The following CCDC91 variants were observed in gnomAD, a reference collection of about 807,000 sequenced individuals.
CCDC91 encodes coiled-coil domain-containing protein 91.
CCDC91 carries 48 observed loss-of-function variants against 63.2 expected under a neutral mutation model. The ratio of observed to expected loss-of-function variants is 0.76; its 90% CI spans 0.60 to 0.97. The LOEUF (loss-of-function observed/expected upper bound fraction) is 0.97, where lower values mean the gene tolerates loss of function less well. Among genes scored for constraint, CCDC91 ranks in the 50% least tolerant of loss-of-function variants. The pLI, the probability that CCDC91 is intolerant of heterozygous loss-of-function variation, is 0.00. For missense variants in CCDC91, 500 were observed against 494.6 expected (o/e 1.01, Z -0.10); for synonymous variants, 167 against 165.8 (o/e 1.01, Z -0.06).
intron 2 of CCDC91, 130 bp downstream of exon 2, chr12:28,257,375 G>A (rs1323531996): frequency 1.7e-6 from 1 of 599,302 alleles, no homozygotes; most frequent in Admixed American, 2.9e-5. Flanking sequence ...TAATTCTGGA[G>A]TAAAAAGATG....
rs150173505 is a variant in CCDC91, at chr12:28,370,290, C to G, written c.654+7775C>G. Among the ~76,000 whole-genome samples, 95 of 152,330 alleles carry G rather than the reference C, an allele frequency of 6.2e-4. 1 individual carries two copies. Among genetic ancestry groups the G allele is most frequent in the Middle Eastern group, 6.8e-3 (2 of 294 alleles). ...ATGCTTTGCTGCTTAGACATTTCTTCTGCCAGATATCCTAAATCATGTCTC... is the reference window on the plus strand; with the variant it reads ...ATGCTTTGCTGCTTAGACATTTCTTGTGCCAGATATCCTAAATCATGTCTC... On this transcript the variant is annotated intron_variant, in intron 7 of 12. Coordinates refer to ENST00000536442, the MANE Select transcript of CCDC91 (RefSeq NM_018318.5).
intron 1 of CCDC91, among the ~76,000 whole-genome samples, chr12:28,215,809 A>G (rs1429875936): frequency 1.3e-5 from 2 of 152,246 alleles, no homozygotes; most frequent in African/African-American, 4.8e-5. Flanking sequence ...GCTTCAATAT[A>G]TTTGGTAATT....
At chr12:28,515,906 C>G (rs1490433990) in intron 12 of CCDC91, among the ~76,000 whole-genome samples, 1 of 151,854 alleles carries the variant, frequency 6.6e-6, no homozygotes, top group Non-Finnish European at 1.5e-5. Flanking sequence ...CCAGTCACTA[C>G]TATCCCCTCA....
intron 3 of CCDC91, among the ~76,000 whole-genome samples, chr12:28,284,439 G>A (rs1948790077): frequency 5.9e-5 from 9 of 151,958 alleles, no homozygotes; most frequent in Admixed American, 5.9e-4. Flanking sequence ...GATCATCTGA[G>A]GTCAGGAGTT....
At chr12:28,272,822 T>C (rs1947876684) in intron 3 of CCDC91, among the ~76,000 whole-genome samples, 1 of 152,032 alleles carries the variant, frequency 6.6e-6, no homozygotes. Context: ...TGATGTCAAC[T>C]GTGCTTGTAT....
intron 8 of CCDC91, among the ~76,000 whole-genome samples, chr12:28,406,552 T>G (rs112264982): frequency 2.6e-5 from 4 of 152,266 alleles, no homozygotes; most frequent in African/African-American, 9.6e-5. Context: ...TTTGCAATTG[T>G]TTTTATCACA....
At chr12:28,295,246 T>G (rs1449582845) in intron 3 of CCDC91, among the ~76,000 whole-genome samples, 2 of 152,202 alleles carry the variant, frequency 1.3e-5, no homozygotes, top group African/African-American at 4.8e-5. Context: ...TTTGCCTGGT[T>G]CCCTCATTGT....
chr12:28,282,949 T>G (rs1948694998), intron 3 of CCDC91, among the ~76,000 whole-genome samples: 1 of 152,020 alleles, frequency 6.6e-6, no homozygotes, highest in African/African-American at 2.4e-5. Flanking sequence ...CCAGTACTAT[T>G]TATTTAATAG....
At chr12:28,350,643 C>T (rs991165863) in intron 6 of CCDC91, among the ~76,000 whole-genome samples, 2 of 152,192 alleles carry the variant, frequency 1.3e-5, no homozygotes, top group African/African-American at 4.8e-5. Flanking sequence ...AATCTATTCT[C>T]TCACAGTTCT....
At chr12:28,508,171 T>C (rs1938965020) in intron 12 of CCDC91, among the ~76,000 whole-genome samples, 2 of 151,902 alleles carry the variant, frequency 1.3e-5, no homozygotes, top group South Asian at 4.1e-4. Context: ...CAGATCCACT[T>C]CCTCTATATA....
At chr12:28,422,140 A>G (rs753747058) in intron 8 of CCDC91, among the ~76,000 whole-genome samples, 1 of 152,162 alleles carries the variant, frequency 6.6e-6, no homozygotes, top group African/African-American at 2.4e-5. Context: ...ATTTATTTAT[A>G]CATTTAGACG....
At chr12:28,513,534 T>C (rs1435549040) in intron 12 of CCDC91, among the ~76,000 whole-genome samples, 1 of 151,804 alleles carries the variant, frequency 6.6e-6, no homozygotes, top group East Asian at 1.9e-4. Flanking sequence ...ATAATGCAAA[T>C]ATTCCAAAAT....
intron 1 of CCDC91, chr12:28,236,300 G>A (rs1938700642): frequency 6.6e-6 from 1 of 151,824 alleles, no homozygotes; most frequent in Admixed American, 6.6e-5. Context: ...AGAAGTTAGA[G>A]GCAGTTTTCT....
chr12:28,374,045 G>T (rs537227129), intron 7 of CCDC91, among the ~76,000 whole-genome samples: 5 of 152,122 alleles, frequency 3.3e-5, no homozygotes, highest in Non-Finnish European at 5.9e-5. Context: ...CCAGTCTTGT[G>T]TATTTCCTTC....
intron 8 of CCDC91, among the ~76,000 whole-genome samples, chr12:28,445,629 CTG>C (rs1949459600): frequency 6.6e-6 from 1 of 152,200 alleles, no homozygotes; most frequent in South Asian, 2.1e-4. Context: ...CTCTTGTGCA[CTG>C]TCTCAGTCAG....
At chr12:28,449,726 A>T (rs1592707886) in intron 8 of CCDC91, among the ~76,000 whole-genome samples, 1 of 151,980 alleles carries the variant, frequency 6.6e-6, no homozygotes, top group South Asian at 2.1e-4. Flanking sequence ...ACAATGCCTT[A>T]CTAGGAACAC....
At chr12:28,501,509 T>G (rs1040355708) in intron 12 of CCDC91, among the ~76,000 whole-genome samples, 3 of 152,044 alleles carry the variant, frequency 2.0e-5, no homozygotes, top group Admixed American at 6.6e-5. Flanking sequence ...TGGATTACAT[T>G]TATTGCTTTG....
chr12:28,302,600 T>G, intron 3 of CCDC91: 3 of 968,116 alleles, frequency 3.1e-6, no homozygotes, highest in Non-Finnish European at 3.7e-6. Context: ...CAGAGGTCAG[T>G]ACCTCTGACG....
intron 12 of CCDC91, among the ~76,000 whole-genome samples, chr12:28,520,651 C>T (rs1050999661): frequency 8.5e-5 from 13 of 152,152 alleles, no homozygotes; most frequent in Non-Finnish European, 1.9e-4. Context: ...TTGCCCATGC[C>T]TATGTCCTGA....
Sources: allele counts gnomAD v4.1 joint callset (sites outside exome capture counted in the v4.1 genomes callset), GRCh38; gene constraint gnomAD v4.1.1; transcripts MANE v1.5; gene names NCBI Gene and HGNC (gene_info 2026-07-23, HGNC 2026-07-21).